Variants in BANK1 observed in about 807,000 individuals in gnomAD.
BANK1 encodes the protein B-cell scaffold protein with ankyrin repeats.
In BANK1, 95 loss-of-function variants were observed where a neutral mutation model predicts 94.5. That is an observed-to-expected ratio of 1.00 (90% CI 0.85 to 1.19). The LOEUF (loss-of-function observed/expected upper bound fraction) is 1.19. Among genes scored for constraint, BANK1 ranks in the 50% most tolerant of loss-of-function variants. The probability of loss-of-function intolerance (pLI) is 0.00; values close to 1 mark genes in which losing one functional copy is unlikely to be tolerated. For missense variants in BANK1, 987 were observed against 932.2 expected (o/e 1.06, Z -0.77); for synonymous variants, 334 against 308.4 (o/e 1.08, Z -0.87).
At chr4:102,025,033 C>G (rs1170899928) in intron 8 of BANK1, among the ~76,000 whole-genome samples, 168 bp from the exon 9 acceptor site, 1 of 152,080 alleles carries the variant, frequency 6.6e-6, no homozygotes, top group Non-Finnish European at 1.5e-5. Context: ...TTTAAAAACC[C>G]AGAAATAAAT....
intron 7 of BANK1, among the ~76,000 whole-genome samples, chr4:101,918,627 G>A (rs73836644): frequency 2.2e-4 from 33 of 151,982 alleles, no homozygotes; most frequent in African/African-American, 7.2e-4. Flanking sequence ...TTGTTTTTCT[G>A]GTTGTAACAA....
intron 15 of BANK1, 34 bp from the exon 16 acceptor site, chr4:102,073,650 G>T: frequency 6.3e-7 from 1 of 1,584,022 alleles, no homozygotes. Context: ...GACAAATCGA[G>T]AAATACTAGC....
At chr4:101,993,960 A>G (rs1263113839) in intron 7 of BANK1, among the ~76,000 whole-genome samples, 2 of 152,338 alleles carry the variant, frequency 1.3e-5, no homozygotes, top group East Asian at 1.9e-4. Flanking sequence ...CTTTGTCTAC[A>G]TGGTGCCATA....
intron 2 of BANK1, among the ~76,000 whole-genome samples, chr4:101,852,785 A>G (rs905312983): frequency 6.6e-6 from 1 of 151,950 alleles, no homozygotes; most frequent in African/African-American, 2.4e-5. Flanking sequence ...CATTACAAAC[A>G]CTACTTCTGT....
At chr4:101,810,430 C>A (rs1416105393) in intron 1 of BANK1, among the ~76,000 whole-genome samples, 1 of 152,146 alleles carries the variant, frequency 6.6e-6, no homozygotes, top group Non-Finnish European at 1.5e-5. Flanking sequence ...CCTTCCGCAT[C>A]AGGCATTTAT....
chr4:101,957,068 C>T (rs1194551379), intron 7 of BANK1, among the ~76,000 whole-genome samples: 1 of 152,128 alleles, frequency 6.6e-6, no homozygotes, highest in Non-Finnish European at 1.5e-5. Context: ...TGAATCCATT[C>T]CCTTCTATCA....
At chr4:102,062,079 A>G (rs1728437564) in intron 12 of BANK1, 1 of 152,216 alleles carries the variant, frequency 6.6e-6, no homozygotes, top group African/African-American at 2.4e-5. Context: ...GTACTTTTCA[A>G]TATTTTTCTT....
At chr4:102,021,114 A>G (rs544707146) in intron 7 of BANK1, among the ~76,000 whole-genome samples, 1 of 151,942 alleles carries the variant, frequency 6.6e-6, no homozygotes, top group African/African-American at 2.4e-5. Flanking sequence ...TCACTGTATT[A>G]CAGTAATTGT....
chr4:102,010,448 A>G (rs1726471016), intron 7 of BANK1, among the ~76,000 whole-genome samples: 1 of 142,470 alleles, frequency 7.0e-6, no homozygotes, highest in Non-Finnish European at 1.5e-5. Context: ...GCTGGAGTGC[A>G]ATGGCGCCAT....
intron 2 of BANK1, among the ~76,000 whole-genome samples, chr4:101,831,210 T>C (rs1190559981): frequency 1.3e-5 from 2 of 152,148 alleles, no homozygotes; most frequent in Non-Finnish European, 2.9e-5. Flanking sequence ...ACTCTGGGCA[T>C]ACAAGCCATT....
intron 5 of BANK1, among the ~76,000 whole-genome samples, chr4:101,889,126 C>G (rs1721748004): frequency 6.6e-6 from 1 of 151,992 alleles, no homozygotes; most frequent in Non-Finnish European, 1.5e-5. Context: ...TAGAAAGGGA[C>G]TGTGTATTAT....
At chr4:102,053,078 G>A (rs932751963) in intron 11 of BANK1, among the ~76,000 whole-genome samples, 14 of 152,146 alleles carry the variant, frequency 9.2e-5, no homozygotes, top group Non-Finnish European at 1.5e-4. Context: ...AATCAGTGAC[G>A]TAGAGAACAT....
Position 101,823,783 on chromosome 4 carries a change from A to G in BANK1, c.71-6025A>G, listed in dbSNP as rs879587978. Among the ~76,000 whole-genome samples, 6 of 152,236 alleles carry G rather than the reference A, an allele frequency of 3.9e-5. 1 individual carries two copies. The highest frequency in any genetic ancestry group is 6.5e-5 in the Admixed American group (1 of 15,280). On this transcript the variant is annotated intron_variant, in intron 1 of 16. Transcript: ENST00000322953. The stretch of plus-strand genomic sequence containing the variant: ...AGAAAGTGGAAAATTCTGAATTTGC[A>G]TAAAAATTTTTGCTGGTTGTTCTTC...
chr4:101,926,592 T>C (rs928098023), intron 7 of BANK1, among the ~76,000 whole-genome samples: 3 of 151,556 alleles, frequency 2.0e-5, no homozygotes, highest in Admixed American at 2.0e-4. Context: ...CCTACCCTAA[T>C]GGGAAATAAG....
At chr4:102,029,718 G>T (rs1250652454) in intron 9 of BANK1, among the ~76,000 whole-genome samples, 1 of 151,576 alleles carries the variant, frequency 6.6e-6, no homozygotes, top group East Asian at 1.9e-4. Flanking sequence ...ACACGTATTT[G>T]TCTTAATACA....
At chr4:101,813,875 G>C (rs1725806948) in intron 1 of BANK1, 1 of 985,320 alleles carries the variant, frequency 1.0e-6, no homozygotes. Flanking sequence ...GAGGGTGGGG[G>C]ACTACTTGCT....
chr4:101,904,461 G>T (rs1170848279), intron 6 of BANK1, among the ~76,000 whole-genome samples: 1 of 152,124 alleles, frequency 6.6e-6, no homozygotes, highest in Non-Finnish European at 1.5e-5. Flanking sequence ...ATCCAAATTT[G>T]CTTATCTGTT....
chr4:101,861,412 G>A (rs1727871237), intron 3 of BANK1, among the ~76,000 whole-genome samples: 1 of 152,044 alleles, frequency 6.6e-6, no homozygotes, highest in East Asian at 1.9e-4. Flanking sequence ...ATATAAATGG[G>A]ATCCCTGTTT....
At chr4:101,875,380 A>C (rs777667259) in intron 5 of BANK1, among the ~76,000 whole-genome samples, 2 of 152,226 alleles carry the variant, frequency 1.3e-5, no homozygotes, top group Non-Finnish European at 2.9e-5. Flanking sequence ...GGTAATTTAT[A>C]AAGAAAAGAG....
Sources: gnomAD v4.1 joint callset for allele counts (sites outside exome capture counted in the v4.1 genomes callset) on GRCh38, gnomAD v4.1.1 for gene constraint, MANE v1.5 for transcripts, NCBI Gene and HGNC (gene_info 2026-07-23, HGNC 2026-07-21) for gene names.